The following MTOR variants were observed in gnomAD, a reference collection of about 807,000 sequenced individuals.
MTOR encodes serine/threonine-protein kinase mTOR.
Under a neutral mutation model 319.8 loss-of-function variants are expected in MTOR, and 70 were observed. The observed-to-expected ratio is 0.22, with a 90% confidence interval of 0.18 to 0.27. The LOEUF (loss-of-function observed/expected upper bound fraction) is 0.27. Ranked by LOEUF, MTOR falls within the 10% of genes least tolerant of loss-of-function variation. The probability of loss-of-function intolerance (pLI) is 1.00; values close to 1 mark genes in which losing one functional copy is unlikely to be tolerated. For missense variants in MTOR, 1,890 were observed against 3,274.4 expected (o/e 0.58, Z 10.32); for synonymous variants, 1,183 against 1,211.4 (o/e 0.98, Z 0.49).
At chr1:11,110,772 G>A (rs1212560934) in intron 54 of MTOR, among the ~76,000 whole-genome samples, 1 of 152,110 alleles carries the variant, frequency 6.6e-6, no homozygotes, top group Non-Finnish European at 1.5e-5. Flanking sequence ...GCCCAGGCTA[G>A]TCTCAAACTC....
intron 47 of MTOR, among the ~76,000 whole-genome samples, chr1:11,122,621 C>T (rs565283535): frequency 2.0e-5 from 3 of 151,404 alleles, no homozygotes; most frequent in Non-Finnish European, 2.9e-5. Flanking sequence ...GATTCTCCTG[C>T]GTCAGCCTCC....
intron 34 of MTOR, among the ~76,000 whole-genome samples, chr1:11,143,537 A>G (rs2100499719): frequency 6.6e-6 from 1 of 152,350 alleles, no homozygotes; most frequent in Admixed American, 6.5e-5. Context: ...AATTACTAAT[A>G]AAACATGTAA....
chr1:11,125,546 C>T (rs539432152), intron 46 of MTOR, among the ~76,000 whole-genome samples: 7 of 151,762 alleles, frequency 4.6e-5, no homozygotes, highest in South Asian at 2.1e-4. Context: ...GCCTGGCCAA[C>T]GTGGTGAAAT....
At chr1:11,137,072 C>T (rs1450063443) in intron 36 of MTOR, among the ~76,000 whole-genome samples, 1 of 147,450 alleles carries the variant, frequency 6.8e-6, no homozygotes, top group Non-Finnish European at 1.5e-5. Flanking sequence ...AAACTCCTGA[C>T]CTCAAGTGAT....
At position 11,106,680 on chromosome 1, in the gene MTOR, G is replaced by C; in HGVS notation, c.*805C>G. On this transcript the variant is annotated 3_prime_UTR_variant, in exon 58 of 58. Transcript: ENST00000361445. ...TTCCAATATGTACCAGACCTTCCCTGTGTTCAGCACCTCCATGACAGTATT... is the reference window on the plus strand; with the variant it reads ...TTCCAATATGTACCAGACCTTCCCTCTGTTCAGCACCTCCATGACAGTATT... 6 of 1,150,124 alleles carry C rather than the reference G, an allele frequency of 5.2e-6. No homozygotes were observed. Among genetic ancestry groups the C allele is most frequent in the Non-Finnish European group, 6.5e-6 (6 of 927,334 alleles). The allele number at this position is 1,150,124 out of a possible 1,614,324, so 71.2% of individuals were successfully genotyped here. A position where few individuals can be genotyped will look rare whatever the true frequency, so the allele number is the denominator to read the frequency against.
At chr1:11,220,091 A>G (rs562428381) in intron 19 of MTOR, among the ~76,000 whole-genome samples, 1 of 148,788 alleles carries the variant, frequency 6.7e-6, no homozygotes, top group Non-Finnish European at 1.5e-5. Flanking sequence ...GGGTATAAGG[A>G]CAAAATTCCA....
intron 25 of MTOR, among the ~76,000 whole-genome samples, chr1:11,209,045 G>A (rs1443536837): frequency 6.6e-6 from 1 of 152,196 alleles, no homozygotes; most frequent in African/African-American, 2.4e-5. Context: ...TGTAAAAAAT[G>A]AGAATGTATT....
At chr1:11,190,117 G>C (rs773768443) in intron 28 of MTOR, among the ~76,000 whole-genome samples, 4 of 152,178 alleles carry the variant, frequency 2.6e-5, no homozygotes, top group Admixed American at 6.5e-5. Flanking sequence ...CTAATGCTAT[G>C]TAAGTTTACC....
At chr1:11,142,624 A>G (rs1643768518) in intron 34 of MTOR, among the ~76,000 whole-genome samples, 1 of 152,072 alleles carries the variant, frequency 6.6e-6, no homozygotes, top group African/African-American at 2.4e-5. Flanking sequence ...ATCCTTGTTG[A>G]TAAGAAGTCA....
chr1:11,160,558 G>C (rs1644447984), intron 29 of MTOR, among the ~76,000 whole-genome samples: 1 of 152,090 alleles, frequency 6.6e-6, no homozygotes, highest in Non-Finnish European at 1.5e-5. Flanking sequence ...TTCAAGTCCT[G>C]GTTTTGCCAT....
At chr1:11,167,075 T>C (rs1644667592) in intron 29 of MTOR, among the ~76,000 whole-genome samples, 1 of 152,006 alleles carries the variant, frequency 6.6e-6, no homozygotes, top group African/African-American at 2.4e-5. Flanking sequence ...ATGGGGAACA[T>C]GACACACCGG....
At position 11,139,543 on chromosome 1, in the gene MTOR, C is replaced by T. The variant is rs199682978; in HGVS notation, c.4988G>A (p.Ser1663Asn). ...WLKYASLCGKSGRLALAHKTL... is the reference protein window; with the variant it reads ...WLKYASLCGKNGRLALAHKTL... ...GTGGTTGTCACTCACCAGCCTGCCA[C>T]TCTTGCCGCACAGGCTTGCATACTT... The change falls in exon 35 of 58, where the codon AGT becomes AAT. Residue 1663 changes from serine to asparagine, a missense_variant. Coordinates refer to ENST00000361445, the MANE Select transcript of MTOR (RefSeq NM_004958.4). 137 of 1,614,078 alleles carry T rather than the reference C, an allele frequency of 8.5e-5. No individual in the cohort carries two copies. The highest frequency in any genetic ancestry group is 9.7e-5 in the Non-Finnish European group (115 of 1,180,046).
intron 54 of MTOR, among the ~76,000 whole-genome samples, chr1:11,112,126 T>G (rs1271661550): frequency 6.6e-6 from 1 of 152,208 alleles, no homozygotes; most frequent in Non-Finnish European, 1.5e-5. Context: ...GACACAAGTC[T>G]TCTAGACCCC....
At chr1:11,196,744 T>A (rs1158052022) in intron 28 of MTOR, among the ~76,000 whole-genome samples, 1 of 151,384 alleles carries the variant, frequency 6.6e-6, no homozygotes, top group African/African-American at 2.4e-5. Context: ...CCCAGCTACT[T>A]AGGAAGCTGA....
In MTOR at chr1:11,199,534, G is replaced by A. The variant is rs2100745531; in HGVS notation, c.4107+7C>T. The stretch of plus-strand genomic sequence containing the variant: ...GCCTCCATCTGGACAATGGGGAAAA[G>A]TCTCACCTTGTCACTGTGTTCCATG... On this transcript the variant is annotated splice_region_variant and intron_variant, in intron 27 of 57. Transcript: ENST00000361445. The surrounding 1 kb of genome is among the most constrained non-coding windows in gnomAD (Gnocchi z 4.5). 6.2e-7 allele frequency: 1 copy of A among 1,614,182 alleles called. No homozygotes were observed. Among genetic ancestry groups the A allele is most frequent in the East Asian group, 2.2e-5 (1 of 44,884 alleles).
chr1:11,113,658 T>C (rs1334723395), intron 53 of MTOR, among the ~76,000 whole-genome samples: 1 of 152,192 alleles, frequency 6.6e-6, no homozygotes, highest in Non-Finnish European at 1.5e-5. Flanking sequence ...TCACCTAGGC[T>C]AGAGTGCAGC....
chr1:11,183,911 G>A (rs1369280001), intron 28 of MTOR, among the ~76,000 whole-genome samples: 2 of 152,128 alleles, frequency 1.3e-5, no homozygotes, highest in Non-Finnish European at 2.9e-5. Flanking sequence ...TATAAATCAA[G>A]TGTCTATATC....
intron 28 of MTOR, among the ~76,000 whole-genome samples, chr1:11,181,223 C>T (rs990812651): frequency 2.0e-5 from 3 of 152,082 alleles, no homozygotes; most frequent in Non-Finnish European, 4.4e-5. Flanking sequence ...GGGAGAAAAC[C>T]TGATCTCAGA....
intron 28 of MTOR, chr1:11,192,330 A>C (rs750857295): frequency 1.2e-6 from 2 of 1,614,124 alleles, no homozygotes; most frequent in Non-Finnish European, 1.7e-6. Flanking sequence ...GGAGTGTATA[A>C]GCTTCCTCCT....
Sources: gnomAD v4.1 joint callset for allele counts (sites outside exome capture counted in the v4.1 genomes callset) on GRCh38, gnomAD v4.1.1 for gene constraint, Gnocchi (gnomAD v3.1) non-coding constraint, MANE v1.5 for transcripts, NCBI Gene and HGNC (gene_info 2026-07-23, HGNC 2026-07-21) for gene names.